Variants in CXorf66 observed in about 807,000 individuals in gnomAD.
CXorf66 encodes chromosome X open reading frame 66, also known as uncharacterized protein CXorf66.
A neutral mutation model predicts 5.0 loss-of-function variants in CXorf66; 6 were observed. That is an observed-to-expected ratio of 1.20 (90% CI 0.65 to 2.36). The LOEUF (loss-of-function observed/expected upper bound fraction) is 2.36. CXorf66 is among the 30% of genes most tolerant of loss of function. The probability of loss-of-function intolerance (pLI) is 0.00; values close to 1 mark genes in which losing one functional copy is unlikely to be tolerated. For missense variants in CXorf66, 270 were observed against 254.9 expected, an observed-to-expected ratio of 1.06 and a Z score of -0.40; for synonymous variants, 98 against 102.8, an observed-to-expected ratio of 0.95 and a Z score of 0.28.
intron 2 of CXorf66, among the ~76,000 whole-genome samples, chrX:139,957,103 G>A (rs1365849917): frequency 9.0e-6 from 1 of 111,421 alleles, no homozygotes; most frequent in African/African-American, 3.3e-5. Flanking sequence ...GGAGGCAGAG[G>A]TTGCAGTGAG....
chrX:139,955,995 C>T lies in CXorf66; in HGVS notation c.987G>A (p.Thr329=), dbSNP rs766839575. 4.4e-5 allele frequency: 53 copies of T among 1,208,495 alleles called. No homozygotes were observed. In the South Asian group the frequency reaches 6.3e-4, roughly 14 times the overall value. ...AYGDHVNDSD[T]MKYYSEVDSD... ...TGTCAACCTCACTATAATATTTCAT[C>T]GTATCACTGTCATTCACATGATCAC... The change falls in exon 3 of 3, where the codon ACG becomes ACA. Residue 329 remains threonine (T), a synonymous_variant. Transcript: ENST00000370540.
At position 139,956,005 on chromosome X, in the gene CXorf66, T is replaced by A; in HGVS notation, c.977A>T (p.Asp326Val). 6 of 1,211,014 alleles carry A rather than the reference T, an allele frequency of 5.0e-6. No individual in the cohort carries two copies. Among genetic ancestry groups the A allele is most frequent in the Middle Eastern group, 4.6e-4 (2 of 4,351 alleles). Reference protein sequence around the residue: ...RNNAYGDHVNDSDTMKYYSEV... With the variant: ...RNNAYGDHVNVSDTMKYYSEV... The stretch of plus-strand genomic sequence containing the variant: ...ACTATAATATTTCATCGTATCACTG[T>A]CATTCACATGATCACCGTATGCATT... Residue 326 changes from aspartate to valine, a missense_variant, in exon 3 of 3, where the codon GAC becomes GTC. Asp to Val is a radical substitution (Grantham distance 152, BLOSUM62 -3). Coordinates refer to ENST00000370540, the MANE Select transcript of CXorf66 (RefSeq NM_001013403.3).
rs1643180052 is a variant in CXorf66, at chrX:139,956,258, G to A, written c.724C>T (p.His242Tyr). ...CTCACTGACCTTTTTGGATTAAAAT[G>A]TTTGGGAGGCTTAGCCAATTCCTGT... ...GPQELAKPPKHFNPKRSVSLG... is the reference protein window; with the variant it reads ...GPQELAKPPKYFNPKRSVSLG... Residue 242 changes from histidine (H) to tyrosine (Y), a missense_variant, in exon 3 of 3, where the codon CAT (histidine) becomes TAT (tyrosine). Physicochemically the swap from His to Tyr is moderately conservative, Grantham distance 83. Transcript: ENST00000370540. 8.3e-7 allele frequency: 1 copy of A among 1,210,233 alleles called. No individual in the cohort carries two copies.
intron 1 of CXorf66, among the ~76,000 whole-genome samples, chrX:139,962,293 A>C (rs943398249): frequency 8.9e-6 from 1 of 112,054 alleles, no homozygotes; most frequent in African/African-American, 3.2e-5. Flanking sequence ...TAGTATAAAC[A>C]CCTCTATGCA....
In CXorf66 at chrX:139,956,939, G is replaced by C. The variant is rs1472884545; in HGVS notation, c.243-200C>G. 2.7e-5 allele frequency among the ~76,000 whole-genome samples: 3 copies of C among 111,447 alleles called. No individual in the cohort carries two copies. In the Admixed American group the frequency reaches 2.9e-4, roughly 11 times the overall value. On this transcript the variant is annotated intron_variant, in intron 2 of 2. Transcript: ENST00000370540. Reference sequence around the variant, plus strand: ...CCCACACTTTGGGAGGACGAGGTGGGCAGATCACTTGAGGCCAGGAGTTCG... The same window carrying C: ...CCCACACTTTGGGAGGACGAGGTGGCCAGATCACTTGAGGCCAGGAGTTCG...
rs368470145 is a variant in CXorf66 at position 139,956,042 on chromosome X, C to G, written c.940G>C (p.Asp314His). Reference protein sequence around the residue: ...KSSSRSFRKLDSRNNAYGDHV... With the variant: ...KSSSRSFRKLHSRNNAYGDHV... ...TCACCGTATGCATTGTTCCTGGAATCTAACTTACGAAAGGACCTGGAAGAG... is the reference window on the plus strand; with the variant it reads ...TCACCGTATGCATTGTTCCTGGAATGTAACTTACGAAAGGACCTGGAAGAG... The change falls in exon 3 of 3, where the codon GAT becomes CAT. Residue 314 changes from aspartate to histidine, a missense_variant. Coordinates refer to ENST00000370540, the MANE Select transcript of CXorf66 (RefSeq NM_001013403.3). The G allele has an allele frequency of 3.3e-6, 4 of 1,209,558 alleles. No individual in the cohort carries two copies. The East Asian group carries it at 8.9e-5, about 27-fold the overall frequency.
At chrX:139,964,471 A>G (rs909656550) in intron 1 of CXorf66, among the ~76,000 whole-genome samples, 5 of 111,770 alleles carry the variant, frequency 4.5e-5, no homozygotes, top group Non-Finnish European at 9.4e-5. Flanking sequence ...GTTGGAGTGT[A>G]AATTAGTTCA....
Position 139,956,259 on chromosome X carries a change from T to G in CXorf66, c.723A>C (p.Lys241Asn). The change falls in exon 3 of 3, where the codon AAA (lysine) becomes AAC (asparagine). Residue 241 changes from lysine (K) to asparagine (N), a missense_variant. Lys to Asn is a moderately conservative substitution (Grantham distance 94). Transcript: ENST00000370540. ...FGPQELAKPP[K>N]HFNPKRSVSL... is the part of the protein sequence containing the mutation. ...TCACTGACCTTTTTGGATTAAAATG[T>G]TTGGGAGGCTTAGCCAATTCCTGTG... 1 of 1,211,743 alleles carries G rather than the reference T, an allele frequency of 8.3e-7. No homozygotes were observed. The highest frequency in any genetic ancestry group is 1.1e-6 in the Non-Finnish European group (1 of 895,504).
At chrX:139,964,603 G>A (rs1242298626) in intron 1 of CXorf66, among the ~76,000 whole-genome samples, 2 of 111,330 alleles carry the variant, frequency 1.8e-5, no homozygotes, top group South Asian at 3.8e-4. Context: ...CTGTAAAGAC[G>A]CATACACACG....
intron 1 of CXorf66, among the ~76,000 whole-genome samples, chrX:139,958,977 A>G (rs2085583875): frequency 8.9e-6 from 1 of 111,974 alleles, no homozygotes; most frequent in Non-Finnish European, 1.9e-5. Flanking sequence ...GGTTTCAAGC[A>G]CAAAACTGGG....
In CXorf66 at chrX:139,958,063, C is replaced by A; in HGVS notation, c.242+1G>T. ...TCTTAATTTAAAGGAGTAAAACTTA[C>A]ATTCCTGCTTTGGACGCATCATCGC... On this transcript the variant is annotated splice_donor_variant, in intron 2 of 2. Coordinates refer to ENST00000370540, the MANE Select transcript of CXorf66 (RefSeq NM_001013403.3). LOFTEE classifies it high-confidence loss of function. 1.7e-6 allele frequency: 2 copies of A among 1,188,232 alleles called. No homozygotes were observed. The highest frequency in any genetic ancestry group is 2.3e-6 in the Non-Finnish European group (2 of 886,393).
At chrX:139,964,655 A>G (rs746750116) in intron 1 of CXorf66, among the ~76,000 whole-genome samples, 1 of 111,726 alleles carries the variant, frequency 9.0e-6, no homozygotes, top group Non-Finnish European at 1.9e-5. Flanking sequence ...AAGACCTGGA[A>G]CCAACCCAAA....
rs764066780 is a variant in CXorf66 at position 139,956,088 on chromosome X, A to C, written c.894T>G (p.His298Gln). 8.3e-7 allele frequency: 1 copy of C among 1,209,693 alleles called. No individual in the cohort carries two copies. The highest frequency in any genetic ancestry group is 1.7e-5 in the African/African-American group (1 of 57,212). The change falls in exon 3 of 3, where the codon CAT (histidine) becomes CAG (glutamine). Residue 298 changes from histidine (H) to glutamine (Q), a missense_variant. By Grantham distance (24) the His-to-Gln change is conservative. Transcript: ENST00000370540. ...EAKEKNTQNL[H>Q]VSSKVKSSSR... is the part of the protein sequence containing the mutation. Reference sequence around the variant, plus strand: ...AAGAGGACTTGACTTTGCTTGAAACATGTAGGTTTTGAGTGTTTTTCTCCT... The same window carrying C: ...AAGAGGACTTGACTTTGCTTGAAACCTGTAGGTTTTGAGTGTTTTTCTCCT...
At chrX:139,964,054 T>C (rs1379578983) in intron 1 of CXorf66, among the ~76,000 whole-genome samples, 3 of 111,485 alleles carry the variant, frequency 2.7e-5, no homozygotes, top group African/African-American at 9.8e-5. Flanking sequence ...AAAGCCAAAA[T>C]TGACAAATGG....
intron 1 of CXorf66, among the ~76,000 whole-genome samples, chrX:139,959,013 A>G (rs2085583969): frequency 8.9e-6 from 1 of 111,901 alleles, no homozygotes; most frequent in Non-Finnish European, 1.9e-5. Flanking sequence ...ACACAGAGCT[A>G]GCTGTAGCAG....
chrX:139,963,449 G>A (rs960289721), intron 1 of CXorf66, among the ~76,000 whole-genome samples: 19 of 111,859 alleles, frequency 1.7e-4, no homozygotes, highest in Non-Finnish European at 3.4e-4. Context: ...CATGCTCATG[G>A]ATAGGAAGAA....
At chrX:139,959,883 A>G (rs1222112373) in intron 1 of CXorf66, among the ~76,000 whole-genome samples, 1 of 111,835 alleles carries the variant, frequency 8.9e-6, no homozygotes. Context: ...TATCAACATC[A>G]ACAAAAAGGA....
intron 1 of CXorf66, among the ~76,000 whole-genome samples, chrX:139,959,082 G>A (rs1281880712): frequency 9.0e-6 from 1 of 111,596 alleles, no homozygotes; most frequent in Non-Finnish European, 1.9e-5. Flanking sequence ...TCACTCTCCT[G>A]GAAAGGGGGC....
intron 1 of CXorf66, among the ~76,000 whole-genome samples, chrX:139,961,890 C>A (rs1009272189): frequency 8.9e-6 from 1 of 111,830 alleles, no homozygotes; most frequent in African/African-American, 3.2e-5. Context: ...AAAGAATCAA[C>A]GTACCAGCAT....
Sources: gnomAD v4.1 joint callset for allele counts (sites outside exome capture counted in the v4.1 genomes callset) on GRCh38, gnomAD v4.1.1 for gene constraint, MANE v1.5 for transcripts, NCBI Gene and HGNC (gene_info 2026-07-23, HGNC 2026-07-21) for gene names.